The following IL18R1 variants were observed in gnomAD, a reference collection of about 807,000 sequenced individuals.
The protein encoded by IL18R1 is interleukin 18 receptor 1.
A neutral mutation model predicts 48.5 loss-of-function variants in IL18R1; 40 were observed. The ratio of observed to expected loss-of-function variants is 0.82; its 90% confidence interval spans 0.64 to 1.07. IL18R1 has a LOEUF of 1.07. Ranked by LOEUF, IL18R1 falls within the 50% of genes least tolerant of loss-of-function variation. IL18R1 has a pLI of 0.00. For missense variants in IL18R1, 596 were observed against 633.7 expected, an observed-to-expected ratio of 0.94 and a Z score of 0.64; for synonymous variants, 232 against 225.9, an observed-to-expected ratio of 1.03 and a Z score of -0.24.
At chr2:102,380,760 T>G (rs975947752) in intron 5 of IL18R1, among the ~76,000 whole-genome samples, 2 of 152,146 alleles carry the variant, frequency 1.3e-5, no homozygotes, top group African/African-American at 4.8e-5. Context: ...GCATTCTGCT[T>G]GCTGAGCACC....
At chr2:102,375,324 T>A (rs932627130) in intron 4 of IL18R1, among the ~76,000 whole-genome samples, 2 of 152,034 alleles carry the variant, frequency 1.3e-5, no homozygotes, top group Admixed American at 6.6e-5. Flanking sequence ...GAAATGTGTG[T>A]GAGAGAGAGA....
intron 4 of IL18R1, among the ~76,000 whole-genome samples, chr2:102,372,373 T>C (rs1679318761): frequency 6.6e-6 from 1 of 152,242 alleles, no homozygotes; most frequent in South Asian, 2.1e-4. Flanking sequence ...TCCCACACTC[T>C]TCCTTCATTT....
At chr2:102,360,912 C>A (rs11465564) in intron 1 of IL18R1, among the ~76,000 whole-genome samples, 2,647 of 152,096 alleles carry the variant, frequency 0.017, 40 homozygotes, top group Middle Eastern at 0.048. Context: ...TTTAATATAA[C>A]CTTAATCTGT....
At chr2:102,390,320 T>A (rs1028553222) in intron 9 of IL18R1, 103 bp downstream of exon 9, 1 of 1,089,700 alleles carries the variant, frequency 9.2e-7, no homozygotes, top group Non-Finnish European at 1.3e-6. Flanking sequence ...GTAGAATTAA[T>A]CTGTGGGAGA....
chr2:102,372,153 G>T (rs774878937), intron 4 of IL18R1, 35 bp downstream of exon 4: 6 of 1,501,480 alleles, frequency 4.0e-6, no homozygotes, highest in Non-Finnish European at 5.4e-6. Context: ...TTTAAGACTT[G>T]ATGGAAAAGA....
At chr2:102,379,816 T>C (rs1418299875) in intron 5 of IL18R1, among the ~76,000 whole-genome samples, 3 of 152,186 alleles carry the variant, frequency 2.0e-5, no homozygotes, top group Non-Finnish European at 4.4e-5. Flanking sequence ...GTTTTTATGA[T>C]CTGCCTTTGG....
chr2:102,369,944 G>A (rs970836815), intron 3 of IL18R1, among the ~76,000 whole-genome samples: 1 of 152,226 alleles, frequency 6.6e-6, no homozygotes, highest in Non-Finnish European at 1.5e-5. Context: ...AAGAAATGAA[G>A]GTAGAGGGAA....
At position 102,396,557 on chromosome 2, in the gene IL18R1, A is replaced by T; in HGVS notation, c.1297A>T (p.Ile433Leu). 6.2e-7 allele frequency: 1 copy of T among 1,604,350 alleles called. No individual in the cohort carries two copies. The highest frequency in any genetic ancestry group is 8.5e-7 in the Non-Finnish European group (1 of 1,175,662). The part of the protein sequence containing the change: ...GAVVDEIHSL[I>L]EKSRRLIIVL... ...TGTTGTTGATGAAATCCACTCACTGATAGAGAAAAGCCGAAGACTAATCAT... is the reference window on the plus strand; with the variant it reads ...TGTTGTTGATGAAATCCACTCACTGTTAGAGAAAAGCCGAAGACTAATCAT... Residue 433 changes from isoleucine (I) to leucine (L), a missense_variant, in exon 11 of 11, where the codon ATA becomes TTA. By Grantham distance (5) the Ile-to-Leu change is conservative. Transcript: ENST00000233957.
At chr2:102,389,268 T>G (rs570930497) in intron 8 of IL18R1, among the ~76,000 whole-genome samples, 1 of 152,302 alleles carries the variant, frequency 6.6e-6, no homozygotes, top group South Asian at 2.1e-4. Flanking sequence ...CTAAAAAGTT[T>G]AAGAGACAAA....
intron 7 of IL18R1, among the ~76,000 whole-genome samples, chr2:102,385,957 G>T (rs1388614257): frequency 6.6e-6 from 1 of 152,170 alleles, no homozygotes; most frequent in Non-Finnish European, 1.5e-5. Context: ...TTATAGTTGG[G>T]TGCACACACC....
Position 102,356,372 on chromosome 2 carries a change from G to A in IL18R1, c.-57G>A, listed in dbSNP as rs1026940026. Reference sequence around the variant, plus strand: ...GCGTGAAGGAGGAGCTGCCGCCCCCGCCCCAGCCTCGGGGACGCCTCTCTG... The same window carrying A: ...GCGTGAAGGAGGAGCTGCCGCCCCCACCCCAGCCTCGGGGACGCCTCTCTG... On this transcript the variant is annotated 5_prime_UTR_variant, in exon 1 of 11. Coordinates refer to ENST00000233957, the MANE Select transcript of IL18R1 (RefSeq NM_003855.5). The A allele has an allele frequency of 2.0e-6, 2 of 984,492 alleles. No individual in the cohort carries two copies. The highest frequency in any genetic ancestry group is 1.7e-5 in the African/African-American group (1 of 57,226). The allele number at this position is 984,492 out of a possible 1,614,324, so 61.0% of individuals were successfully genotyped here. A position where few individuals can be genotyped will look rare whatever the true frequency, so the allele number is the denominator to read the frequency against.
chr2:102,393,316 C>T (rs1210194501), intron 9 of IL18R1, among the ~76,000 whole-genome samples: 3 of 152,200 alleles, frequency 2.0e-5, no homozygotes, highest in Non-Finnish European at 4.4e-5. Context: ...ACCAACATTT[C>T]ATACCTTTGA....
At chr2:102,357,881 CGT>C (rs139890958) in intron 1 of IL18R1, among the ~76,000 whole-genome samples, 10 of 150,372 alleles carry the variant, frequency 6.7e-5, no homozygotes, top group East Asian at 1.9e-4. Context: ...AGAGTTTAAG[CGT>C]GTGTGTGTGT....
intron 4 of IL18R1, among the ~76,000 whole-genome samples, chr2:102,373,670 G>C (rs144955051): frequency 2.2e-3 from 337 of 152,220 alleles, no homozygotes; most frequent in African/African-American, 7.9e-3. Flanking sequence ...TACATAGCGT[G>C]TGTGAGTGTA....
intron 5 of IL18R1, 142 bp downstream of exon 5, chr2:102,376,205 A>G (rs995400490): frequency 1.8e-6 from 1 of 556,376 alleles, no homozygotes; most frequent in Non-Finnish European, 2.9e-6. Flanking sequence ...GATGGTCAAA[A>G]TCTTCATTCT....
intron 1 of IL18R1, among the ~76,000 whole-genome samples, chr2:102,357,480 G>C (rs1317697282): frequency 7.0e-6 from 1 of 142,634 alleles, no homozygotes. Flanking sequence ...GACAGAGTGA[G>C]ACTCTATCTC....
chr2:102,368,768 A>G (rs1573193020), intron 3 of IL18R1, among the ~76,000 whole-genome samples: 1 of 152,264 alleles, frequency 6.6e-6, no homozygotes, highest in Non-Finnish European at 1.5e-5. Flanking sequence ...ACCTACCTAC[A>G]TATGTAGGTA....
At chr2:102,390,763 C>G (rs1166925495) in intron 9 of IL18R1, among the ~76,000 whole-genome samples, 1 of 151,736 alleles carries the variant, frequency 6.6e-6, no homozygotes, top group Non-Finnish European at 1.5e-5. Flanking sequence ...GAAACCCTGT[C>G]TCTACTAAAA....
At chr2:102,389,144 A>C (rs1680415908) in intron 8 of IL18R1, among the ~76,000 whole-genome samples, 1 of 152,188 alleles carries the variant, frequency 6.6e-6, no homozygotes, top group Admixed American at 6.5e-5. Context: ...CTTACTAAAA[A>C]TTGCAATCAA....
Sources: gnomAD v4.1 joint callset for allele counts (sites outside exome capture counted in the v4.1 genomes callset) on GRCh38, gnomAD v4.1.1 for gene constraint, MANE v1.5 for transcripts, NCBI Gene and HGNC (gene_info 2026-07-23, HGNC 2026-07-21) for gene names.